The following PAAF1 variants were observed in gnomAD, a reference collection of about 807,000 sequenced individuals.
PAAF1 encodes the protein proteasomal ATPase associated factor 1, also known as proteasomal ATPase-associated factor 1.
PAAF1 carries 46 observed loss-of-function variants against 52.8 expected under a neutral mutation model. The observed-to-expected ratio is 0.87, with a 90% CI of 0.69 to 1.11. PAAF1 has a LOEUF of 1.11. Ranked by LOEUF, PAAF1 falls within the 50% of genes most tolerant of loss-of-function variation. PAAF1 has a pLI of 0.00. For missense variants in PAAF1, 424 were observed against 477.4 expected (o/e 0.89, Z 1.04); for synonymous variants, 178 against 172.8 (o/e 1.03, Z -0.24).
At chr11:73,906,176 A>G (rs1163837470) in intron 6 of PAAF1, among the ~76,000 whole-genome samples, 1 of 152,212 alleles carries the variant, frequency 6.6e-6, no homozygotes, top group African/African-American at 2.4e-5. Context: ...AGTGGCCTAT[A>G]TCCAGTGGGT....
At chr11:73,914,643 G>A (rs1169270932) in intron 8 of PAAF1, 139 bp downstream of exon 8, 1 of 544,612 alleles carries the variant, frequency 1.8e-6, no homozygotes, top group African/African-American at 1.9e-5. Flanking sequence ...GCAGTACAGT[G>A]TAATGATTAA....
intron 2 of PAAF1, 33 bp downstream of exon 2, chr11:73,878,852 T>C (rs1252526170): frequency 1.2e-6 from 2 of 1,601,304 alleles, no homozygotes; most frequent in Non-Finnish European, 1.7e-6. Context: ...GCTGTGACTT[T>C]AAAGGAGAAG....
chr11:73,885,183 G>A (rs981786046), intron 2 of PAAF1, among the ~76,000 whole-genome samples: 1 of 151,572 alleles, frequency 6.6e-6, no homozygotes, highest in African/African-American at 2.4e-5. Flanking sequence ...CTGTCACCCA[G>A]GCTGGAGTGC....
chr11:73,924,152 T>G (rs897875499), intron 10 of PAAF1, among the ~76,000 whole-genome samples: 2 of 152,126 alleles, frequency 1.3e-5, no homozygotes, highest in African/African-American at 4.8e-5. Context: ...CCACTATAGA[T>G]CATCATAATT....
intron 5 of PAAF1, 30 bp from the exon 6 acceptor site, chr11:73,900,240 C>A: frequency 6.4e-7 from 1 of 1,567,618 alleles, no homozygotes; most frequent in Non-Finnish European, 8.7e-7. Context: ...GACAAGAGAA[C>A]TAGCATGGAA....
At chr11:73,909,207 C>T (rs1488270063) in intron 6 of PAAF1, among the ~76,000 whole-genome samples, 192 bp from the exon 7 acceptor site, 3 of 152,218 alleles carry the variant, frequency 2.0e-5, no homozygotes, top group Non-Finnish European at 2.9e-5. Flanking sequence ...CTGTCTTTCA[C>T]AGCTAGACTT....
At chr11:73,898,556 C>T (rs1037015518) in intron 4 of PAAF1, among the ~76,000 whole-genome samples, 1 of 152,028 alleles carries the variant, frequency 6.6e-6, no homozygotes, top group East Asian at 1.9e-4. Flanking sequence ...GGCACGGTGG[C>T]CTATAATCCC....
intron 6 of PAAF1, among the ~76,000 whole-genome samples, chr11:73,904,009 G>A (rs1949693845): frequency 6.6e-6 from 1 of 150,960 alleles, no homozygotes; most frequent in African/African-American, 2.4e-5. Context: ...ACTTGAACCT[G>A]GGAGGCAGAG....
At chr11:73,885,570 G>A (rs1949038483) in intron 2 of PAAF1, among the ~76,000 whole-genome samples, 1 of 151,684 alleles carries the variant, frequency 6.6e-6, no homozygotes, top group Non-Finnish European at 1.5e-5. Context: ...GCCTGGTCGT[G>A]GTGGCTCACA....
intron 4 of PAAF1, among the ~76,000 whole-genome samples, chr11:73,894,095 G>A (rs536425541): frequency 2.6e-4 from 40 of 152,316 alleles, no homozygotes; most frequent in Non-Finnish European, 4.0e-4. Context: ...AAGCCACTGT[G>A]CCTGGCCTTT....
At chr11:73,923,432 A>G (rs150195524) in intron 10 of PAAF1, among the ~76,000 whole-genome samples, 18 of 152,354 alleles carry the variant, frequency 1.2e-4, no homozygotes, top group African/African-American at 3.1e-4. Flanking sequence ...AAATGTTAAC[A>G]GTAATTGCCT....
At chr11:73,905,688 C>T (rs1372553025) in intron 6 of PAAF1, among the ~76,000 whole-genome samples, 1 of 151,900 alleles carries the variant, frequency 6.6e-6, no homozygotes, top group African/African-American at 2.4e-5. Context: ...TGATAATTTT[C>T]CACTCTGCTT....
At chr11:73,902,941 G>T (rs1452768503) in intron 6 of PAAF1, among the ~76,000 whole-genome samples, 5 of 152,060 alleles carry the variant, frequency 3.3e-5, no homozygotes, top group Admixed American at 1.3e-4. Context: ...CCTTGTGATC[G>T]CCTGCCGTGG....
chr11:73,877,743 G>A (rs1948783346), intron 1 of PAAF1, among the ~76,000 whole-genome samples: 2 of 152,034 alleles, frequency 1.3e-5, no homozygotes, highest in South Asian at 2.1e-4. Context: ...GAAATTAGTC[G>A]GGCTTGGTGG....
At chr11:73,910,753 G>C (rs1015037474) in intron 7 of PAAF1, among the ~76,000 whole-genome samples, 2 of 152,102 alleles carry the variant, frequency 1.3e-5, no homozygotes, top group African/African-American at 4.8e-5. Context: ...CACTTTGGGA[G>C]GCCGAGGCGG....
rs1281333319 is a variant in PAAF1 at position 73,914,444 on chromosome 11, G to A, written c.759G>A (p.Met253Ile). 3.1e-6 allele frequency: 5 copies of A among 1,614,038 alleles called. No individual in the cohort carries two copies. The highest frequency in any genetic ancestry group is 2.2e-5 in the East Asian group (1 of 44,868). The change falls in exon 8 of 12, where the codon ATG becomes ATA. Residue 253 changes from methionine to isoleucine, a missense_variant. Transcript: ENST00000310571. ...GGGAGGTTGGAACAGAGGCCAAAATGCTGCTCTTGGCCCGGGAAGATAAGA... is the reference window on the plus strand; with the variant it reads ...GGGAGGTTGGAACAGAGGCCAAAATACTGCTCTTGGCCCGGGAAGATAAGA... ...SEREVGTEAK[M>I]LLLAREDKKL...
chr11:73,900,171 C>T, intron 5 of PAAF1, 99 bp from the exon 6 acceptor site: 1 of 1,290,014 alleles, frequency 7.8e-7, no homozygotes. Flanking sequence ...GTGGGTTTAG[C>T]ATGTAGGTAT....
chr11:73,899,516 A>G (rs1390339698), intron 5 of PAAF1, among the ~76,000 whole-genome samples: 1 of 144,986 alleles, frequency 6.9e-6, no homozygotes, highest in Non-Finnish European at 1.5e-5. Context: ...GGTTCAAGCG[A>G]TTCTTGTGCC....
At position 73,928,651 on chromosome 11, in the gene PAAF1, T is replaced by C. The variant is rs1950413504; in HGVS notation, c.*1289T>C. 6.6e-6 allele frequency: 1 copy of C among 152,264 alleles called. No homozygotes were observed. Among genetic ancestry groups the C allele is most frequent in the Non-Finnish European group, 1.5e-5 (1 of 68,046 alleles). 9.4% of individuals were successfully genotyped at this position (152,264 alleles called of 1,614,324 possible). A position where few individuals can be genotyped will look rare whatever the true frequency, so the allele number is the denominator to read the frequency against. On this transcript the variant is annotated 3_prime_UTR_variant, in exon 12 of 12. Coordinates refer to ENST00000310571, the MANE Select transcript of PAAF1 (RefSeq NM_025155.3). Reference sequence around the variant, plus strand: ...AAGATGTAACACTTGAGCTGGGACATGCAGATTAAGATTTTTATTTATTTA... The same window carrying C: ...AAGATGTAACACTTGAGCTGGGACACGCAGATTAAGATTTTTATTTATTTA...
Sources: gnomAD v4.1 joint callset for allele counts (sites outside exome capture counted in the v4.1 genomes callset) on GRCh38, gnomAD v4.1.1 for gene constraint, MANE v1.5 for transcripts, NCBI Gene and HGNC (gene_info 2026-07-23, HGNC 2026-07-21) for gene names.